The following PEX19 variants were observed in gnomAD, a reference collection of about 807,000 sequenced individuals.
PEX19 encodes peroxisomal biogenesis factor 19.
In PEX19, 29 loss-of-function variants were observed where a neutral mutation model predicts 36.3. That is an observed-to-expected ratio of 0.80 (90% CI 0.60 to 1.09). PEX19 has a LOEUF of 1.09. PEX19 is among the 50% of genes least tolerant of loss of function. The pLI, the probability that PEX19 is intolerant of heterozygous loss-of-function variation, is 0.00. For synonymous variants in PEX19, 141 were observed against 135.2 expected (o/e 1.04, Z -0.30); for missense variants, 396 against 368.1 (o/e 1.08, Z -0.62).
rs1657564348 is a variant in PEX19, at chr1:160,277,027, T to C, written c.*2524A>G. 2.2e-6 allele frequency: 1 copy of C among 454,000 alleles called. No homozygotes were observed. Among genetic ancestry groups the C allele is most frequent in the Non-Finnish European group, 4.4e-6 (1 of 226,802 alleles). The allele number at this position is 454,000 out of a possible 1,614,324, so 28.1% of individuals were successfully genotyped here. A position where few individuals can be genotyped will look rare whatever the true frequency, so the allele number is the denominator to read the frequency against. The stretch of plus-strand genomic sequence containing the variant: ...GCTAGAGAAATGCTAGAGATGTCCT[T>C]ACTAGTGACACATTCTTGCTGAAGA... On this transcript the variant is annotated 3_prime_UTR_variant, in exon 8 of 8. Coordinates refer to ENST00000368072, the MANE Select transcript of PEX19 (RefSeq NM_002857.4).
In PEX19 at chr1:160,279,399, C is replaced by T. The variant is rs760375871; in HGVS notation, c.*152G>A. ...TATTCCTAGAGAGACAGAGGAAAAA[C>T]CTCAGCTGGTATGGCACAATCTTGA... On this transcript the variant is annotated 3_prime_UTR_variant, in exon 8 of 8. Transcript: ENST00000368072. 48 of 736,602 alleles carry T rather than the reference C, an allele frequency of 6.5e-5. No homozygotes were observed. Among genetic ancestry groups the T allele is most frequent in the Non-Finnish European group, 1.1e-4 (44 of 406,912 alleles). 45.6% of individuals were successfully genotyped at this position (736,602 alleles called of 1,614,324 possible).
chr1:160,281,990 TG>T (rs761469534), intron 5 of PEX19, 48 bp downstream of exon 5: 11 of 1,528,854 alleles, frequency 7.2e-6, no homozygotes, highest in Middle Eastern at 1.7e-4. Context: ...CCACATCAGT[TG>T]ATGTGATGGA....
rs778870376 is a variant in PEX19 at position 160,279,481 on chromosome 1, G to A, written c.*70C>T. On this transcript the variant is annotated 3_prime_UTR_variant, in exon 8 of 8. Transcript: ENST00000368072. ...TCCCGCAGGTGACACTCCTGCCTCA[G>A]GTCCCAATGGTTCTGCTGACTCCAG... 2.2e-5 allele frequency: 28 copies of A among 1,255,044 alleles called. No individual in the cohort carries two copies. Among genetic ancestry groups the A allele is most frequent in the Non-Finnish European group, 3.5e-6 (3 of 854,126 alleles). The allele number at this position is 1,255,044 out of a possible 1,614,324, so 77.7% of individuals were successfully genotyped here.
intron 7 of PEX19, 65 bp from the exon 8 acceptor site, chr1:160,279,699 C>G: frequency 6.5e-7 from 1 of 1,532,754 alleles, no homozygotes; most frequent in East Asian, 2.2e-5. Flanking sequence ...AAGATCCATC[C>G]CCAGTAGCCA....
Position 160,278,314 on chromosome 1 carries a change from G to A in PEX19, c.*1237C>T, listed in dbSNP as rs1164122141. On this transcript the variant is annotated 3_prime_UTR_variant, in exon 8 of 8. Transcript: ENST00000368072. Reference sequence around the variant, plus strand: ...TACATTGAAATACTCAAGGGAACATGAGGAAAGATGGCCATCCAGTCTCCT... The same window carrying A: ...TACATTGAAATACTCAAGGGAACATAAGGAAAGATGGCCATCCAGTCTCCT... 1 of 692,244 alleles carries A rather than the reference G, an allele frequency of 1.4e-6. No individual in the cohort carries two copies. Among genetic ancestry groups the A allele is most frequent in the Admixed American group, 2.0e-5 (1 of 49,804 alleles). 42.9% of individuals were successfully genotyped at this position (692,244 alleles called of 1,614,324 possible).
intron 1 of PEX19, chr1:160,284,056 T>G: frequency 2.1e-6 from 1 of 471,980 alleles, no homozygotes; most frequent in Non-Finnish European, 4.4e-6. Flanking sequence ...AGGAATAACT[T>G]GGTGAGAAAG....
chr1:160,278,431 C>T lies in PEX19; in HGVS notation c.*1120G>A. 1.6e-6 allele frequency: 1 copy of T among 607,634 alleles called. No individual in the cohort carries two copies. Among genetic ancestry groups the T allele is most frequent in the Middle Eastern group, 4.4e-4 (1 of 2,272 alleles). The allele number at this position is 607,634 out of a possible 1,614,324, so 37.6% of individuals were successfully genotyped here. A position where few individuals can be genotyped will look rare whatever the true frequency, so the allele number is the denominator to read the frequency against. ...GTGTAGAACTAGTCTCCTAATATAC[C>T]TCACTCTGCAACTTACGGAAGCTGA... On this transcript the variant is annotated 3_prime_UTR_variant, in exon 8 of 8. Coordinates refer to ENST00000368072, the MANE Select transcript of PEX19 (RefSeq NM_002857.4).
At position 160,282,093 on chromosome 1, in the gene PEX19, C is replaced by A; in HGVS notation, c.540G>T (p.Gln180His). The change falls in exon 5 of 8, where the codon CAG (glutamine) becomes CAT (histidine). Residue 180 changes from glutamine (Q) to histidine (H), a missense_variant. Coordinates refer to ENST00000368072, the MANE Select transcript of PEX19 (RefSeq NM_002857.4). ...NILPIMQSIM[Q>H]NLLSKDVLYP... ...ACAGCACATCCTTGGAGAGTAGGTTCTGCATAATACTCTGCATGATGGGGA... is the reference window on the plus strand; with the variant it reads ...ACAGCACATCCTTGGAGAGTAGGTTATGCATAATACTCTGCATGATGGGGA... 2 of 1,613,878 alleles carry A rather than the reference C, an allele frequency of 1.2e-6. No homozygotes were observed. The highest frequency in any genetic ancestry group is 1.7e-6 in the Non-Finnish European group (2 of 1,179,762).
chr1:160,282,828 G>T, intron 3 of PEX19, 116 bp downstream of exon 3: 1 of 1,121,816 alleles, frequency 8.9e-7, no homozygotes, highest in Non-Finnish European at 1.3e-6. Flanking sequence ...GCCTTTACCC[G>T]TTCCTTGGCT....
intron 6 of PEX19, 85 bp from the exon 7 acceptor site, chr1:160,279,930 C>G: frequency 7.3e-7 from 1 of 1,375,754 alleles, no homozygotes; most frequent in Non-Finnish European, 1.0e-6. Flanking sequence ...AATGAATGAT[C>G]TCTCTATTTC....
Position 160,282,947 on chromosome 1 carries a change from C to T in PEX19, c.343G>A (p.Val115Met). 1 of 1,614,206 alleles carries T rather than the reference C, an allele frequency of 6.2e-7. No homozygotes were observed. Among genetic ancestry groups the T allele is most frequent in the Non-Finnish European group, 8.5e-7 (1 of 1,180,026 alleles). ...CATGTATCTGGGGTCTCCTCACCCA[C>T]TCTCCCTGCAGCCTCTGAGAGCTTT... is the stretch of plus-strand genomic sequence containing the variant. ...FQKLSEAAGR[V>M]GSDMTSQQEF... Residue 115 changes from valine (V) to methionine (M), a missense_variant, in exon 3 of 8, where the codon GTG (valine) becomes ATG (methionine). Transcript: ENST00000368072.
intron 5 of PEX19, chr1:160,281,399 A>G (rs1657764538): frequency 6.2e-6 from 1 of 160,518 alleles, no homozygotes; most frequent in Admixed American, 5.8e-5. Flanking sequence ...GCCAGTAAGT[A>G]AATCCTCAGT....
chr1:160,278,080 T>G lies in PEX19; in HGVS notation c.*1471A>C. 1 of 702,516 alleles carries G rather than the reference T, an allele frequency of 1.4e-6. No homozygotes were observed. Among genetic ancestry groups the G allele is most frequent in the South Asian group, 1.5e-5 (1 of 67,604 alleles). The allele number at this position is 702,516 out of a possible 1,614,324, so 43.5% of individuals were successfully genotyped here. On this transcript the variant is annotated 3_prime_UTR_variant, in exon 8 of 8. Transcript: ENST00000368072. Reference sequence around the variant, plus strand: ...GCATGTGAATTTGCTTTGGAGAGACTTATCTTCTGAGTGAACCAGGACAGC... The same window carrying G: ...GCATGTGAATTTGCTTTGGAGAGACGTATCTTCTGAGTGAACCAGGACAGC...
chr1:160,281,533 G>A (rs1657772489), intron 5 of PEX19, among the ~76,000 whole-genome samples: 1 of 152,168 alleles, frequency 6.6e-6, no homozygotes, highest in African/African-American at 2.4e-5. Context: ...TGCCTCCTGA[G>A]TAGTTGCGAT....
chr1:160,278,166 G>T lies in PEX19; in HGVS notation c.*1385C>A, dbSNP rs1171968383. ...CAGCCAAGGTCCGTAGACCCACTGG[G>T]AGCCACAGAAAAAAAGCCACGTCAG... On this transcript the variant is annotated 3_prime_UTR_variant, in exon 8 of 8. Transcript: ENST00000368072. 5 of 702,316 alleles carry T rather than the reference G, an allele frequency of 7.1e-6. No individual in the cohort carries two copies. Among genetic ancestry groups the T allele is most frequent in the Non-Finnish European group, 1.3e-5 (5 of 384,928 alleles). 43.5% of individuals were successfully genotyped at this position (702,316 alleles called of 1,614,324 possible).
At position 160,279,475 on chromosome 1, in the gene PEX19, G is replaced by T; in HGVS notation, c.*76C>A. ...GACTTCTCCCGCAGGTGACACTCCT[G>T]CCTCAGGTCCCAATGGTTCTGCTGA... On this transcript the variant is annotated 3_prime_UTR_variant, in exon 8 of 8. Transcript: ENST00000368072. 1 of 1,191,728 alleles carries T rather than the reference G, an allele frequency of 8.4e-7. No individual in the cohort carries two copies. The highest frequency in any genetic ancestry group is 1.3e-6 in the Non-Finnish European group (1 of 796,570). 73.8% of individuals were successfully genotyped at this position (1,191,728 alleles called of 1,614,324 possible).
rs1184318274 is a variant in PEX19, at chr1:160,278,713, A to G, written c.*838T>C. 1 of 454,036 alleles carries G rather than the reference A, an allele frequency of 2.2e-6. No individual in the cohort carries two copies. Among genetic ancestry groups the G allele is most frequent in the Non-Finnish European group, 4.4e-6 (1 of 226,810 alleles). 28.1% of individuals were successfully genotyped at this position (454,036 alleles called of 1,614,324 possible). On this transcript the variant is annotated 3_prime_UTR_variant, in exon 8 of 8. Coordinates refer to ENST00000368072, the MANE Select transcript of PEX19 (RefSeq NM_002857.4). ...CCAGGAAGACGGGGAGTCAGTGAGA[A>G]TCGTAAATGGACTAGATGAGGGGAA...
Position 160,279,192 on chromosome 1 carries a change from C to T in PEX19, c.*359G>A. The T allele has an allele frequency of 2.2e-6, 1 of 464,830 alleles. No individual in the cohort carries two copies. The highest frequency in any genetic ancestry group is 4.3e-6 in the Non-Finnish European group (1 of 233,970). The allele number at this position is 464,830 out of a possible 1,614,324, so 28.8% of individuals were successfully genotyped here. A position where few individuals can be genotyped will look rare whatever the true frequency, so the allele number is the denominator to read the frequency against. On this transcript the variant is annotated 3_prime_UTR_variant, in exon 8 of 8. Transcript: ENST00000368072. ...CAAGAGAGGGAGTAGAGACAAGGCACAAAGACCCTGGACGTAAAGGTGAAC... is the reference window on the plus strand; with the variant it reads ...CAAGAGAGGGAGTAGAGACAAGGCATAAAGACCCTGGACGTAAAGGTGAAC...
In PEX19 at chr1:160,283,028, C is replaced by T. The variant is rs372422266; in HGVS notation, c.262G>A (p.Glu88Lys). 40 of 1,614,074 alleles carry T rather than the reference C, an allele frequency of 2.5e-5. No homozygotes were observed. Among genetic ancestry groups the T allele is most frequent in the African/African-American group, 2.4e-4 (18 of 74,922 alleles). ...ELASQATAEFEKAMKELAEEE... is the reference protein window; with the variant it reads ...ELASQATAEFKKAMKELAEEE... ...TCAGCCAACTCCTTCATTGCCTTCT[C>T]GAACTCCGCAGTGGCTTGGGAAGCC... Residue 88 changes from glutamate to lysine, a missense_variant, in exon 3 of 8, where the codon GAG becomes AAG. Glu to Lys is a moderately conservative substitution (Grantham distance 56). Transcript: ENST00000368072.
Sources: allele counts gnomAD v4.1 joint callset (sites outside exome capture counted in the v4.1 genomes callset), GRCh38; gene constraint gnomAD v4.1.1; transcripts MANE v1.5; gene names NCBI Gene and HGNC (gene_info 2026-07-23, HGNC 2026-07-21).